The following SYN3 variants were observed in gnomAD, a reference collection of about 807,000 sequenced individuals.
SYN3 encodes synapsin-3.
A neutral mutation model predicts 65.8 loss-of-function variants in SYN3; 35 were observed. That is an observed-to-expected ratio of 0.53 (90% CI 0.41 to 0.70). The LOEUF (loss-of-function observed/expected upper bound fraction) is 0.70. Among genes scored for constraint, SYN3 ranks in the 30% least tolerant of loss-of-function variants. The pLI, the probability that SYN3 is intolerant of heterozygous loss-of-function variation, is 0.00. For synonymous variants in SYN3, 270 were observed against 292.9 expected, an observed-to-expected ratio of 0.92 and a Z score of 0.80; for missense variants, 680 against 749.0, an observed-to-expected ratio of 0.91 and a Z score of 1.08.
intron 6 of SYN3, among the ~76,000 whole-genome samples, chr22:32,701,253 T>C (rs541463273): frequency 2.6e-5 from 4 of 152,330 alleles, no homozygotes; most frequent in Admixed American, 6.5e-5. Context: ...CATGAATAAT[T>C]AGCTGTTACA....
chr22:32,689,220 C>G (rs934432664), intron 6 of SYN3, among the ~76,000 whole-genome samples: 2 of 152,188 alleles, frequency 1.3e-5, no homozygotes, highest in Non-Finnish European at 2.9e-5. Flanking sequence ...CTACAGCAGT[C>G]TATGCCCTCG....
intron 6 of SYN3, among the ~76,000 whole-genome samples, chr22:32,611,309 G>C (rs1187391316): frequency 7.0e-6 from 1 of 142,196 alleles, no homozygotes; most frequent in Non-Finnish European, 1.5e-5. Context: ...TTTTTTTGTG[G>C]GGGGGATGGA....
intron 6 of SYN3, among the ~76,000 whole-genome samples, chr22:32,780,370 G>A (rs2046011107): frequency 6.6e-6 from 1 of 152,156 alleles, no homozygotes. Flanking sequence ...GTAGGAGATG[G>A]AGACAGAGCA....
At chr22:32,601,316 C>T (rs529175521) in intron 6 of SYN3, among the ~76,000 whole-genome samples, 6 of 150,594 alleles carry the variant, frequency 4.0e-5, no homozygotes, top group African/African-American at 1.5e-4. Flanking sequence ...CTTGCTCTGT[C>T]GCCCAGGCTG....
At chr22:32,702,204 G>A (rs746758352) in intron 6 of SYN3, among the ~76,000 whole-genome samples, 5 of 152,224 alleles carry the variant, frequency 3.3e-5, no homozygotes, top group Admixed American at 6.5e-5. Context: ...TCGGCCAGGC[G>A]CTATGGCTCA....
At chr22:32,790,406 CTTTATTTA>C (rs130557) in intron 6 of SYN3, among the ~76,000 whole-genome samples, 18,102 of 145,726 alleles carry the variant, frequency 0.12, 1,149 homozygotes, top group Middle Eastern at 0.18. Flanking sequence ...TTAAATTAAA[CTTTATTTA>C]TTTATTTATT....
chr22:32,547,951 T>C (rs1189445906), intron 7 of SYN3, among the ~76,000 whole-genome samples: 3 of 152,224 alleles, frequency 2.0e-5, no homozygotes, highest in African/African-American at 4.8e-5. Flanking sequence ...GAGTAAGTCT[T>C]AGCCCTCTGC....
intron 1 of SYN3, among the ~76,000 whole-genome samples, chr22:33,054,977 T>C (rs894809195): frequency 5.3e-5 from 8 of 152,194 alleles, no homozygotes; most frequent in Non-Finnish European, 7.3e-5. Context: ...TTTACTTTTC[T>C]CCAACACTAT....
intron 1 of SYN3, among the ~76,000 whole-genome samples, chr22:33,035,917 A>C (rs994139142): frequency 2.6e-5 from 4 of 152,154 alleles, no homozygotes; most frequent in African/African-American, 9.7e-5. Flanking sequence ...TAATAAGCTA[A>C]TAACGTTGAC....
chr22:32,834,327 T>TA (rs1555977065), intron 6 of SYN3, among the ~76,000 whole-genome samples: 8 of 102,336 alleles, frequency 7.8e-5, no homozygotes, highest in Admixed American at 4.8e-4. Context: ...TAATTTATTT[T>TA]TTTTTTTGTA....
At chr22:32,635,198 C>G (rs73154363) in intron 6 of SYN3, 11,174 of 152,250 alleles carry the variant, frequency 0.073, 592 homozygotes, top group South Asian at 0.21. Context: ...TGTCTGTAGG[C>G]TAATCTTTCT....
At chr22:32,529,949 C>T (rs367865375) in intron 10 of SYN3, 2 of 152,474 alleles carry the variant, frequency 1.3e-5, no homozygotes, top group East Asian at 1.9e-4. Context: ...CTCCTTTCAT[C>T]CAACAGGGAA....
intron 6 of SYN3, among the ~76,000 whole-genome samples, chr22:32,810,162 G>A (rs1161780360): frequency 1.3e-5 from 2 of 152,212 alleles, no homozygotes; most frequent in African/African-American, 4.8e-5. Flanking sequence ...TATGTGGGCT[G>A]CAGTGGAACT....
At chr22:32,986,455 G>C (rs977266009) in intron 2 of SYN3, among the ~76,000 whole-genome samples, 1 of 152,170 alleles carries the variant, frequency 6.6e-6, no homozygotes, top group Non-Finnish European at 1.5e-5. Flanking sequence ...GACGGACTGG[G>C]GCTGAAGCTG....
At chr22:32,618,332 G>C (rs1008614237) in intron 6 of SYN3, among the ~76,000 whole-genome samples, 1 of 152,104 alleles carries the variant, frequency 6.6e-6, no homozygotes. Context: ...CTCCCAGCAC[G>C]AGAGCTTCCA....
At chr22:32,830,411 G>T (rs1397526550) in intron 6 of SYN3, among the ~76,000 whole-genome samples, 1 of 152,156 alleles carries the variant, frequency 6.6e-6, no homozygotes, top group Non-Finnish European at 1.5e-5. Flanking sequence ...ACAGTCTATA[G>T]CTAGGAGGAG....
intron 6 of SYN3, among the ~76,000 whole-genome samples, chr22:32,805,931 TTTAGGG>T (rs1184146876): frequency 1.3e-5 from 2 of 151,952 alleles, no homozygotes; most frequent in Non-Finnish European, 2.9e-5. Flanking sequence ...AAACATCATC[TTTAGGG>T]AGGGAGAGCT....
At chr22:33,046,933 ATCT>A (rs1259075292) in intron 1 of SYN3, among the ~76,000 whole-genome samples, 1 of 150,214 alleles carries the variant, frequency 6.7e-6, no homozygotes, top group African/African-American at 2.5e-5. Flanking sequence ...CTCTGAAGAC[ATCT>A]TCTCCAACTC....
intron 4 of SYN3, among the ~76,000 whole-genome samples, chr22:32,898,900 A>G (rs994761422): frequency 6.6e-6 from 1 of 152,232 alleles, no homozygotes; most frequent in African/African-American, 2.4e-5. Context: ...CAGGAGACCG[A>G]GACCATCCTA....
Sources: gnomAD v4.1 joint callset for allele counts (sites outside exome capture counted in the v4.1 genomes callset) on GRCh38, gnomAD v4.1.1 for gene constraint, MANE v1.5 for transcripts, NCBI Gene and HGNC (gene_info 2026-07-23, HGNC 2026-07-21) for gene names.